The following CCHCR1 variants were observed in gnomAD, a reference collection of about 807,000 sequenced individuals.
The protein encoded by CCHCR1 is HCR (a-helix coiled-coil rod homologue).
A neutral mutation model predicts 114.6 loss-of-function variants in CCHCR1; 91 were observed. That is an observed-to-expected ratio of 0.79 (90% CI 0.67 to 0.94). CCHCR1 has a LOEUF of 0.94. CCHCR1 is among the 40% of genes least tolerant of loss of function. CCHCR1 has a pLI of 0.00. For synonymous variants in CCHCR1, 379 were observed against 428.5 expected (o/e 0.88, Z 1.43); for missense variants, 899 against 1,079.9 (o/e 0.83, Z 2.35).
Position 31,143,439 on chromosome 6 carries a change from A to C in CCHCR1, c.2168-26T>G. ...CTACAGAGAGGCCAAGGCACAGAGG[A>C]GGCAGGTGTGAGTCAGGCCAGAGGC... On this transcript the variant is annotated intron_variant, in intron 15 of 17. Coordinates refer to ENST00000396268, the MANE Select transcript of CCHCR1 (RefSeq NM_001105564.2). The surrounding 1 kb of genome is among the most constrained non-coding windows in gnomAD (Gnocchi z 5.3). 3.1e-6 allele frequency: 5 copies of C among 1,610,316 alleles called. No individual in the cohort carries two copies. Among genetic ancestry groups the C allele is most frequent in the Non-Finnish European group, 4.2e-6 (5 of 1,178,774 alleles).
In CCHCR1 at chr6:31,144,378, C is replaced by T. The variant is rs563506322; in HGVS notation, c.2167+309G>A. The T allele has an allele frequency of 1.9e-5, 5 of 267,842 alleles. No individual in the cohort carries two copies. The highest frequency in any genetic ancestry group is 5.3e-5 in the Admixed American group (1 of 18,700). The allele number at this position is 267,842 out of a possible 1,614,324, so 16.6% of individuals were successfully genotyped here. The stretch of plus-strand genomic sequence containing the variant: ...CCTAGCTAATTTTTGTATTTTTAGT[C>T]GAGACAGGGTTTCGCCATGTTGTCC... On this transcript the variant is annotated intron_variant, in intron 15 of 17. Transcript: ENST00000396268. This position sits in a 1 kb window ranked among gnomAD's most constrained non-coding sequence, Gnocchi z 4.6.
chr6:31,153,032 C>G (rs1308521456), intron 4 of CCHCR1, among the ~76,000 whole-genome samples: 3 of 152,188 alleles, frequency 2.0e-5, no homozygotes, highest in African/African-American at 7.2e-5. Flanking sequence ...GCTGCCCAGG[C>G]TGGAGTGTGA....
At chr6:31,147,625 T>C (rs2151014853) in intron 10 of CCHCR1, among the ~76,000 whole-genome samples, 1 of 152,258 alleles carries the variant, frequency 6.6e-6, no homozygotes, top group African/African-American at 2.4e-5. Flanking sequence ...TTAGATGGAA[T>C]AGTAAGCAAG....
In CCHCR1 at chr6:31,150,692, A is replaced by G. The variant is rs751903542; in HGVS notation, c.1101+33T>C. ...CGCTTGCCTCCCAACCTGATCCCTAAGTCTGCACACAGATACATTCCTGCA... is the reference window on the plus strand; with the variant it reads ...CGCTTGCCTCCCAACCTGATCCCTAGGTCTGCACACAGATACATTCCTGCA... On this transcript the variant is annotated intron_variant, in intron 6 of 17. Transcript: ENST00000396268. The surrounding 1 kb of genome is among the most constrained non-coding windows in gnomAD (Gnocchi z 5.3). 2 of 1,607,326 alleles carry G rather than the reference A, an allele frequency of 1.2e-6. No homozygotes were observed. The highest frequency in any genetic ancestry group is 1.7e-6 in the Non-Finnish European group (2 of 1,176,788).
chr6:31,157,741 T>C lies in CCHCR1; in HGVS notation c.-141A>G. 3 of 660,924 alleles carry C rather than the reference T, an allele frequency of 4.5e-6. No individual in the cohort carries two copies. Among genetic ancestry groups the C allele is most frequent in the South Asian group, 3.8e-5 (2 of 52,130 alleles). 40.9% of individuals were successfully genotyped at this position (660,924 alleles called of 1,614,324 possible). Reference sequence around the variant, plus strand: ...CTCTCTACTATCCCCTTAGCTTCCATGCCTGCTGCCCGCCTCCTCTTTCTC... The same window carrying C: ...CTCTCTACTATCCCCTTAGCTTCCACGCCTGCTGCCCGCCTCCTCTTTCTC... On this transcript the variant is annotated 5_prime_UTR_variant, in exon 1 of 18. It removes an upstream start codon present in the reference 5' UTR. Coordinates refer to ENST00000396268, the MANE Select transcript of CCHCR1 (RefSeq NM_001105564.2).
Position 31,150,274 on chromosome 6 carries a change from G to A in CCHCR1, c.1213-59C>T. ...TCCTGGGGGAGGAGAGGAAGGAGGTGGCATCTTTGTTTCTCCTCTGTCCTG... is the reference window on the plus strand; with the variant it reads ...TCCTGGGGGAGGAGAGGAAGGAGGTAGCATCTTTGTTTCTCCTCTGTCCTG... On this transcript the variant is annotated intron_variant, in intron 7 of 17. Coordinates refer to ENST00000396268, the MANE Select transcript of CCHCR1 (RefSeq NM_001105564.2). The surrounding 1 kb of genome is among the most constrained non-coding windows in gnomAD (Gnocchi z 5.3). 6.4e-7 allele frequency: 1 copy of A among 1,572,234 alleles called. No homozygotes were observed. The highest frequency in any genetic ancestry group is 8.7e-7 in the Non-Finnish European group (1 of 1,146,844).
At position 31,150,300 on chromosome 6, in the gene CCHCR1, C is replaced by T; in HGVS notation, c.1213-85G>A. On this transcript the variant is annotated intron_variant, in intron 7 of 17. Transcript: ENST00000396268. This position sits in a 1 kb window ranked among gnomAD's most constrained non-coding sequence, Gnocchi z 5.3. ...GCATCTTTGTTTCTCCTCTGTCCTG[C>T]CTGGGCAACATGAGCTACAGCAAGA... is the stretch of plus-strand genomic sequence containing the variant. 6.7e-7 allele frequency: 1 copy of T among 1,492,130 alleles called. No homozygotes were observed. The highest frequency in any genetic ancestry group is 1.8e-5 in the Admixed American group (1 of 55,272). 92.4% of individuals were successfully genotyped at this position (1,492,130 alleles called of 1,614,324 possible). A position where few individuals can be genotyped will look rare whatever the true frequency, so the allele number is the denominator to read the frequency against.
Position 31,154,541 on chromosome 6 carries a change from C to G in CCHCR1, c.756G>C (p.Gly252=), listed in dbSNP as rs1457647744. ...AEVVRKNLEE[G]SQRELEEVQR... ...GAACCTCTTCCAGCTCCCGCTGGCT[C>G]CCCTCTTCCAAGTTCTTCCGGACAA... The change falls in exon 4 of 18, where the codon GGG becomes GGC. Residue 252 remains glycine (G), a synonymous_variant. Transcript: ENST00000396268. The surrounding 1 kb of genome is among the most constrained non-coding windows in gnomAD (Gnocchi z 4.1). The G allele has an allele frequency of 1.9e-6, 3 of 1,612,912 alleles. No homozygotes were observed. The highest frequency in any genetic ancestry group is 1.7e-6 in the Non-Finnish European group (2 of 1,179,886).
In CCHCR1 at chr6:31,156,761, C is replaced by T. The variant is rs1195302660; in HGVS notation, c.467G>A (p.Ser156Asn). ...TCTCCGCCCTGGCTCCTGCCTGTCA[C>T]TGGAAACATCCCGTTCCCACATGGT... ...QVTMWERDVS[S>N]DRQEPGRRGR... The change falls in exon 3 of 18, where the codon AGT becomes AAT. Residue 156 changes from serine (S) to asparagine (N), a missense_variant. Coordinates refer to ENST00000396268, the MANE Select transcript of CCHCR1 (RefSeq NM_001105564.2). 6.2e-7 allele frequency: 1 copy of T among 1,612,700 alleles called. No individual in the cohort carries two copies. The highest frequency in any genetic ancestry group is 1.1e-5 in the South Asian group (1 of 91,052).
intron 10 of CCHCR1, among the ~76,000 whole-genome samples, chr6:31,146,165 G>T (rs2151006612): frequency 6.6e-6 from 1 of 152,148 alleles, no homozygotes; most frequent in Non-Finnish European, 1.5e-5. Flanking sequence ...GGCCAACATG[G>T]TGAAACTCTC....
chr6:31,154,689 G>A lies in CCHCR1; in HGVS notation c.608C>T (p.Thr203Ile), dbSNP rs141807267. ...TAGCCTCATCTTCTGCTGCAGCGAG[G>A]TCTCCCGCAGGAGCCGGACCTCCTC... The part of the protein sequence containing the change: ...LEEEVRLLRE[T>I]SLQQKMRLEA... The change falls in exon 4 of 18, where the codon ACC becomes ATC. Residue 203 changes from threonine (T) to isoleucine (I), a missense_variant. Physicochemically the swap from Thr to Ile is moderately conservative, Grantham distance 89. Transcript: ENST00000396268. The surrounding 1 kb of genome is among the most constrained non-coding windows in gnomAD (Gnocchi z 4.1). 23 of 1,610,554 alleles carry A rather than the reference G, an allele frequency of 1.4e-5. No homozygotes were observed. In the African/African-American group the frequency reaches 2.5e-4, roughly 18 times the overall value.
At chr6:31,145,566 A>G (rs985349776) in intron 11 of CCHCR1, 73 bp from the exon 12 acceptor site, 1 of 1,515,158 alleles carries the variant, frequency 6.6e-7, no homozygotes, top group South Asian at 1.1e-5. Context: ...GAGTAAGGGA[A>G]AAAGAGATGC....
In CCHCR1 at chr6:31,143,724, TAGG is replaced by T. The variant is rs1227013126; in HGVS notation, c.2168-314_2168-312del. Among the ~76,000 whole-genome samples, 1 of 152,210 alleles carries T rather than the reference TAGG, an allele frequency of 6.6e-6. No individual in the cohort carries two copies. Among genetic ancestry groups the T allele is most frequent in the East Asian group, 1.9e-4 (1 of 5,204 alleles). On this transcript the variant is annotated intron_variant, in intron 15 of 17. Coordinates refer to ENST00000396268, the MANE Select transcript of CCHCR1 (RefSeq NM_001105564.2). This position sits in a 1 kb window ranked among gnomAD's most constrained non-coding sequence, Gnocchi z 5.3. ...TTAAAGTGTGATGATTGCAGCTATA[TAGG>T]AGAATTTACTGGCTTTGGGAGATGC...
chr6:31,157,515 T>C lies in CCHCR1; in HGVS notation c.86A>G (p.Asp29Gly). ...CTCAGCAAGGCCTGAGGGAAGCCCA[T>C]CCAGACACCAGCAGGCCATGACTCT... ...DPRVMACWCLDGLPSGLAEPW... is the reference protein window; with the variant it reads ...DPRVMACWCLGGLPSGLAEPW... Residue 29 changes from aspartate (D) to glycine (G), a missense_variant, in exon 1 of 18, where the codon GAT (aspartate) becomes GGT (glycine). Physicochemically the swap from Asp to Gly is moderately conservative, Grantham distance 94 (BLOSUM62 -1). Coordinates refer to ENST00000396268, the MANE Select transcript of CCHCR1 (RefSeq NM_001105564.2). 1 of 1,612,960 alleles carries C rather than the reference T, an allele frequency of 6.2e-7. No individual in the cohort carries two copies. Among genetic ancestry groups the C allele is most frequent in the Non-Finnish European group, 8.5e-7 (1 of 1,180,002 alleles).
At chr6:31,153,003 GT>G (rs962808233) in intron 4 of CCHCR1, among the ~76,000 whole-genome samples, 8 of 152,056 alleles carry the variant, frequency 5.3e-5, no homozygotes, top group African/African-American at 9.7e-5. Context: ...GTAGCTTGTT[GT>G]TTTTTTAGTC....
At chr6:31,157,238 G>T in intron 1 of CCHCR1, 147 bp downstream of exon 1, 1 of 986,878 alleles carries the variant, frequency 1.0e-6, no homozygotes, top group Non-Finnish European at 1.6e-6. Flanking sequence ...CAAAGTAGGA[G>T]ATACCCCAAA....
At chr6:31,157,178 C>A in intron 1 of CCHCR1, 89 bp from the exon 2 acceptor site, 1 of 1,194,446 alleles carries the variant, frequency 8.4e-7, no homozygotes, top group South Asian at 1.3e-5. Context: ...AGTCATAATC[C>A]TTGAATTATA....
rs11540822 is a variant in CCHCR1, at chr6:31,151,121, A to T, written c.803T>A (p.Leu268Gln). The T allele has an allele frequency of 0.078, 124,917 of 1,611,494 alleles. 5,849 individuals are homozygous for T. Among genetic ancestry groups the T allele is most frequent in the Admixed American group, 0.14 (8,491 of 59,738 alleles). The part of the protein sequence containing the change: ...EEVQRLHQEQ[L>Q]SSLTQAHEEA... ...CTCGTGAGCCTGTGTCAAAGAGGAC[A>T]GCTGCGGAAAGAAGAGGGGGCTCAG... Residue 268 changes from leucine to glutamine, a missense_variant and splice_region_variant, in exon 5 of 18, where the codon CTG becomes CAG. Physicochemically the swap from Leu to Gln is moderately radical, Grantham distance 113. Coordinates refer to ENST00000396268, the MANE Select transcript of CCHCR1 (RefSeq NM_001105564.2). The surrounding 1 kb of genome is among the most constrained non-coding windows in gnomAD (Gnocchi z 4.1).
Position 31,150,602 on chromosome 6 carries a change from C to T in CCHCR1, c.1102-37G>A. 6.3e-7 allele frequency: 1 copy of T among 1,597,402 alleles called. No homozygotes were observed. The highest frequency in any genetic ancestry group is 2.2e-5 in the East Asian group (1 of 44,684). On this transcript the variant is annotated intron_variant, in intron 6 of 17. Transcript: ENST00000396268. The surrounding 1 kb of genome is among the most constrained non-coding windows in gnomAD (Gnocchi z 5.3). ...GGAAAGCAGCCCCTCTGTAGGGCCT[C>T]CATGCCGCCTTAGGTACCACCTTCT... is the stretch of plus-strand genomic sequence containing the variant.
Sources: gnomAD v4.1 joint callset for allele counts (sites outside exome capture counted in the v4.1 genomes callset) on GRCh38, gnomAD v4.1.1 for gene constraint, Gnocchi (gnomAD v3.1) non-coding constraint, MANE v1.5 for transcripts, NCBI Gene and HGNC (gene_info 2026-07-23, HGNC 2026-07-21) for gene names.